HDAC5: variants seen among roughly 807,000 people sequenced by gnomAD.
HDAC5 encodes histone deacetylase 5.
HDAC5 carries 25 observed loss-of-function variants against 133.3 expected under a neutral mutation model. The observed-to-expected ratio is 0.19, with a 90% CI of 0.14 to 0.26. HDAC5 has a LOEUF of 0.26. Among genes scored for constraint, HDAC5 ranks in the 10% least tolerant of loss-of-function variants. The pLI is 1.00. For missense variants in HDAC5, 1,041 were observed against 1,460.5 expected, an observed-to-expected ratio of 0.71 and a Z score of 4.68; for synonymous variants, 589 against 610.8, an observed-to-expected ratio of 0.96 and a Z score of 0.53.
At chr17:44,080,645 G>A in intron 21 of HDAC5, 118 bp downstream of exon 21, 2 of 1,497,988 alleles carry the variant, frequency 1.3e-6, no homozygotes, top group Non-Finnish European at 1.8e-6. Context: ...CTCCCACTAG[G>A]AGCCCAGACT....
At chr17:44,087,761 A>G in intron 12 of HDAC5, 65 bp from the exon 13 acceptor site, 1 of 1,491,296 alleles carries the variant, frequency 6.7e-7, no homozygotes, top group African/African-American at 1.4e-5. Flanking sequence ...CCTAAAACCC[A>G]GAACAGTCTA....
At chr17:44,083,958 T>C (rs2050520924) in intron 16 of HDAC5, 104 bp from the exon 17 acceptor site, 2 of 890,664 alleles carry the variant, frequency 2.2e-6, no homozygotes, top group South Asian at 1.3e-5. Context: ...ACCCCATCTC[T>C]ACTAAAAATA....
chr17:44,105,969 G>T (rs1361112097), intron 3 of HDAC5, among the ~76,000 whole-genome samples: 1 of 152,212 alleles, frequency 6.6e-6, no homozygotes, highest in Admixed American at 6.5e-5. Flanking sequence ...TTTGTTGGGG[G>T]GGCAGGGTGT....
intron 14 of HDAC5, among the ~76,000 whole-genome samples, chr17:44,086,139 C>G (rs1018821337): frequency 1.3e-5 from 2 of 152,218 alleles, no homozygotes; most frequent in African/African-American, 4.8e-5. Flanking sequence ...CTGCCAAACC[C>G]GTGTCTTACT....
chr17:44,092,098 A>C, intron 9 of HDAC5, 74 bp downstream of exon 9: 1 of 1,318,412 alleles, frequency 7.6e-7, no homozygotes, highest in Admixed American at 2.0e-5. Context: ...ACAGACTGGA[A>C]GGAGCTGCAC....
chr17:44,109,988 CT>C (rs1271502909), intron 3 of HDAC5, among the ~76,000 whole-genome samples: 1 of 152,262 alleles, frequency 6.6e-6, no homozygotes, highest in African/African-American at 2.4e-5. Flanking sequence ...GACCCCACCC[CT>C]AGCCAAGAGC....
At position 44,080,470 on chromosome 17, in the gene HDAC5, T is replaced by C. The variant is rs1176451634; in HGVS notation, c.2756A>G (p.Asn919Ser). 14 of 1,614,112 alleles carry C rather than the reference T, an allele frequency of 8.7e-6. No individual in the cohort carries two copies. Among genetic ancestry groups the C allele is most frequent in the Non-Finnish European group, 1.0e-5 (12 of 1,180,018 alleles). The change falls in exon 22 of 27, where the codon AAT (asparagine) becomes AGT (serine). Residue 919 changes from asparagine (N) to serine (S), a missense_variant. By Grantham distance (46) the Asn-to-Ser change is conservative (BLOSUM62 1). Coordinates refer to ENST00000682912, the MANE Select transcript of HDAC5 (RefSeq NM_005474.5). The part of the protein sequence containing the change: ...EVGGGPGVGY[N>S]VNVAWTGGVD... ...ACCTCCTGTCCATGCCACGTTCACA[T>C]TGTACCCCACGCCTGGTCCTCCACC...
At chr17:44,107,023 C>T (rs2051998521) in intron 3 of HDAC5, among the ~76,000 whole-genome samples, 1 of 152,074 alleles carries the variant, frequency 6.6e-6, no homozygotes. Flanking sequence ...TGGCTCATTG[C>T]AGCCTCAAAC....
intron 16 of HDAC5, 67 bp from the exon 17 acceptor site, chr17:44,083,921 C>T (rs62078915): frequency 1.8e-4 from 224 of 1,254,564 alleles, no homozygotes; most frequent in Admixed American, 3.2e-4. Context: ...GTCAGGAGTT[C>T]GAGACCAGCC....
chr17:44,123,521 C>G lies in HDAC5; in HGVS notation c.-207G>C, dbSNP rs905635065. Reference sequence around the variant, plus strand: ...GCGCTCACCCGCTGCGGCTCGAGCTCCGGCTTCGCGGGCGGCGGCGGCAGC... The same window carrying G: ...GCGCTCACCCGCTGCGGCTCGAGCTGCGGCTTCGCGGGCGGCGGCGGCAGC... On this transcript the variant is annotated 5_prime_UTR_variant, in exon 1 of 27. Transcript: ENST00000682912. 6 of 393,316 alleles carry G rather than the reference C, an allele frequency of 1.5e-5. No individual in the cohort carries two copies. The highest frequency in any genetic ancestry group is 1.2e-4 in the African/African-American group (6 of 48,104). The allele number at this position is 393,316 out of a possible 1,614,324, so 24.4% of individuals were successfully genotyped here. A position where few individuals can be genotyped will look rare whatever the true frequency, so the allele number is the denominator to read the frequency against.
intron 2 of HDAC5, among the ~76,000 whole-genome samples, chr17:44,113,308 G>C (rs1423791546): frequency 6.6e-6 from 1 of 152,142 alleles, no homozygotes; most frequent in Admixed American, 6.5e-5. Context: ...CCAGGACAGG[G>C]ACACCCAGAG....
Position 44,123,410 on chromosome 17 carries a change from G to A in HDAC5, c.-190+94C>T. 7 of 350,198 alleles carry A rather than the reference G, an allele frequency of 2.0e-5. No homozygotes were observed. The East Asian group carries it at 3.0e-4, about 15-fold the overall frequency. 21.7% of individuals were successfully genotyped at this position (350,198 alleles called of 1,614,324 possible). On this transcript the variant is annotated intron_variant, in intron 1 of 26. Transcript: ENST00000682912. ...GGCGCGGAGCGCGGCGCGCGCGCTG[G>A]GAGCCCGCGGACAGAGACAGCAGGA...
At chr17:44,091,203 G>T in intron 11 of HDAC5, 67 bp downstream of exon 11, 3 of 1,179,946 alleles carry the variant, frequency 2.5e-6, no homozygotes, top group Non-Finnish European at 3.7e-6. Flanking sequence ...TGACAGGGTT[G>T]GAGAGTATCC....
At position 44,087,556 on chromosome 17, in the gene HDAC5, C is replaced by T; in HGVS notation, c.1740G>A (p.Glu580=). 1.2e-6 allele frequency: 2 copies of T among 1,614,128 alleles called. No homozygotes were observed. Among genetic ancestry groups the T allele is most frequent in the Admixed American group, 3.3e-5 (2 of 60,004 alleles). Residue 580 remains glutamate, a synonymous_variant, in exon 13 of 27, where the codon GAG becomes GAA. Coordinates refer to ENST00000682912, the MANE Select transcript of HDAC5 (RefSeq NM_005474.5). The stretch of plus-strand genomic sequence containing the variant: ...CCTCCTCCAGGTCTTCCTGTGTGCT[C>T]TCACTCTCTGTGGAGCCCTCCCGGG... ...TMPREGSTES[E]STQEDLEEED... is the part of the protein sequence containing the mutation.
Position 44,076,827 on chromosome 17 carries a change from A to G in HDAC5, c.*1549T>C. The G allele has an allele frequency of 6.2e-6, 1 of 160,810 alleles. No individual in the cohort carries two copies. The highest frequency in any genetic ancestry group is 1.4e-5 in the Non-Finnish European group (1 of 72,442). 10.0% of individuals were successfully genotyped at this position (160,810 alleles called of 1,614,324 possible). A position where few individuals can be genotyped will look rare whatever the true frequency, so the allele number is the denominator to read the frequency against. ...GTTACAAAATACTTAACTGAAATCC[A>G]TATCCAGGGAGACAAAGCAAGGAGT... On this transcript the variant is annotated 3_prime_UTR_variant, in exon 27 of 27. Coordinates refer to ENST00000682912, the MANE Select transcript of HDAC5 (RefSeq NM_005474.5).
intron 20 of HDAC5, among the ~76,000 whole-genome samples, chr17:44,081,194 C>T (rs2050371431): frequency 1.3e-5 from 2 of 150,830 alleles, no homozygotes; most frequent in African/African-American, 5.0e-5. Flanking sequence ...TTCCACCTCA[C>T]AGTTTTGGGG....
intron 2 of HDAC5, among the ~76,000 whole-genome samples, chr17:44,113,868 C>G (rs1004693277): frequency 6.6e-6 from 1 of 152,224 alleles, no homozygotes. Context: ...AAGCCAATGG[C>G]TGGCCCAGGA....
intron 14 of HDAC5, 103 bp from the exon 15 acceptor site, chr17:44,085,258 C>T: frequency 8.1e-7 from 1 of 1,233,540 alleles, no homozygotes; most frequent in Non-Finnish European, 1.1e-6. Flanking sequence ...CTCCAACCCC[C>T]AGGTCCAAAC....
In HDAC5 at chr17:44,091,809, A is replaced by T. The variant is rs2050965039; in HGVS notation, c.1055T>A (p.Leu352His). 1 of 1,583,746 alleles carries T rather than the reference A, an allele frequency of 6.3e-7. No homozygotes were observed. The highest frequency in any genetic ancestry group is 1.4e-5 in the African/African-American group (1 of 73,894). Reference sequence around the variant, plus strand: ...CTGGTTGGGGGAGCTGTCCAGAGGGAGGGCTCGGTGCTGAGGGAGCATCTG... The same window carrying T: ...CTGGTTGGGGGAGCTGTCCAGAGGGTGGGCTCGGTGCTGAGGGAGCATCTG... ...PTEMLPQHRA[L>H]PLDSSPNQFS... The change falls in exon 10 of 27, where the codon CTC becomes CAC. Residue 352 changes from leucine (L) to histidine (H), a missense_variant. Leu to His is a moderately conservative substitution (Grantham distance 99, BLOSUM62 -3). Transcript: ENST00000682912.
Sources: allele counts gnomAD v4.1 joint callset (sites outside exome capture counted in the v4.1 genomes callset), GRCh38; gene constraint gnomAD v4.1.1; transcripts MANE v1.5; gene names NCBI Gene and HGNC (gene_info 2026-07-23, HGNC 2026-07-21).